Variants in UNC13C observed in about 807,000 individuals in gnomAD.
UNC13C encodes protein unc-13 homolog C.
Under a neutral mutation model 245.4 loss-of-function variants are expected in UNC13C, and 174 were observed. The ratio of observed to expected loss-of-function variants is 0.71; its 90% CI spans 0.63 to 0.80. The LOEUF is 0.80. UNC13C is among the 30% of genes least tolerant of loss of function. UNC13C has a pLI of 0.00. For synonymous variants in UNC13C, 992 were observed against 895.1 expected, an observed-to-expected ratio of 1.11 and a Z score of -1.93; for missense variants, 2,829 against 2,602.9, an observed-to-expected ratio of 1.09 and a Z score of -1.89.
chr15:53,895,329 G>A, the UNC13C span, among the ~76,000 whole-genome samples: 1 of 123,626 alleles, frequency 8.1e-6, no homozygotes, highest in Admixed American at 1.0e-4. Flanking sequence ...CTGGGTGACA[G>A]AGTGAGATTT....
chr15:54,413,473 A>C (rs907677163), intron 18 of UNC13C, among the ~76,000 whole-genome samples: 4 of 152,188 alleles, frequency 2.6e-5, no homozygotes, highest in Non-Finnish European at 5.9e-5. Flanking sequence ...AACCTTTTGA[A>C]ATAAATTGTT....
At chr15:54,081,507 T>C (rs922949844) in intron 2 of UNC13C, among the ~76,000 whole-genome samples, 2 of 152,154 alleles carry the variant, frequency 1.3e-5, no homozygotes. Context: ...AGTTAAATTT[T>C]CTTGTTGAAT....
the UNC13C span, among the ~76,000 whole-genome samples, chr15:53,862,031 C>G: frequency 0.13 from 20,239 of 152,002 alleles, 1,530 homozygotes; most frequent in Admixed American, 0.21. Context: ...GCTGCTATAA[C>G]AAAATACCAT....
intron 10 of UNC13C, among the ~76,000 whole-genome samples, chr15:54,276,697 A>T (rs2036842392): frequency 2.6e-5 from 4 of 152,252 alleles, no homozygotes; most frequent in Non-Finnish European, 5.9e-5. Context: ...TGAGTTCTAT[A>T]TAAAAAGTCA....
chr15:54,559,450 A>G (rs975314978), intron 29 of UNC13C, among the ~76,000 whole-genome samples: 2 of 151,926 alleles, frequency 1.3e-5, no homozygotes, highest in East Asian at 1.9e-4. Flanking sequence ...AAATCCAGCT[A>G]CTCATGAGAA....
chr15:54,428,725 T>C (rs1192313530), intron 19 of UNC13C, among the ~76,000 whole-genome samples: 3 of 151,600 alleles, frequency 2.0e-5, no homozygotes, highest in African/African-American at 7.3e-5. Flanking sequence ...TGGTATGGTC[T>C]CTGTGCTAGA....
At chr15:54,531,619 G>A (rs375371788) in intron 25 of UNC13C, among the ~76,000 whole-genome samples, 2 of 151,626 alleles carry the variant, frequency 1.3e-5, no homozygotes, top group South Asian at 2.1e-4. Flanking sequence ...TGAAGAAGGT[G>A]TATCCAGATG....
intron 8 of UNC13C, among the ~76,000 whole-genome samples, chr15:54,261,997 A>C (rs1007610022): frequency 6.6e-6 from 1 of 152,204 alleles, no homozygotes; most frequent in Admixed American, 6.5e-5. Flanking sequence ...CTATAATAAC[A>C]GCAATAATAC....
At chr15:54,562,746 T>A (rs1027828119) in intron 29 of UNC13C, among the ~76,000 whole-genome samples, 1 of 152,054 alleles carries the variant, frequency 6.6e-6, no homozygotes, top group Admixed American at 6.6e-5. Context: ...CTATATCATC[T>A]GAAGCTGTTT....
intron 20 of UNC13C, among the ~76,000 whole-genome samples, chr15:54,497,272 G>A (rs548417545): frequency 6.6e-6 from 1 of 152,206 alleles, no homozygotes; most frequent in African/African-American, 2.4e-5. Flanking sequence ...ATGCACTAAG[G>A]TGAGTCCTGT....
At chr15:54,088,591 T>G (rs150682348) in intron 2 of UNC13C, among the ~76,000 whole-genome samples, 110 of 152,338 alleles carry the variant, frequency 7.2e-4, no homozygotes, top group African/African-American at 2.5e-3. Flanking sequence ...CAGGTTTATC[T>G]ACTTCTGGAC....
chr15:54,217,440 C>T (rs990264953), intron 4 of UNC13C, among the ~76,000 whole-genome samples: 17 of 151,898 alleles, frequency 1.1e-4, no homozygotes, highest in Admixed American at 7.2e-4. Context: ...AGAACTTTGT[C>T]GACCTGCCCT....
intron 18 of UNC13C, among the ~76,000 whole-genome samples, chr15:54,397,652 A>G (rs2040097548): frequency 6.6e-6 from 1 of 151,430 alleles, no homozygotes; most frequent in African/African-American, 2.4e-5. Flanking sequence ...TTTATAATCC[A>G]TTAACATGGC....
At chr15:54,249,828 G>A (rs1260836826) in intron 7 of UNC13C, among the ~76,000 whole-genome samples, 1 of 152,136 alleles carries the variant, frequency 6.6e-6, no homozygotes, top group Non-Finnish European at 1.5e-5. Flanking sequence ...GCTGAGGAGG[G>A]GTGAAGTGTC....
intron 19 of UNC13C, among the ~76,000 whole-genome samples, chr15:54,472,911 A>G (rs1892535191): frequency 1.3e-5 from 2 of 151,994 alleles, no homozygotes; most frequent in South Asian, 2.1e-4. Context: ...GATTTGTTGC[A>G]TGGGTATATT....
intron 30 of UNC13C, among the ~76,000 whole-genome samples, chr15:54,615,497 T>G (rs932307798): frequency 3.9e-5 from 6 of 152,026 alleles, no homozygotes; most frequent in African/African-American, 1.4e-4. Context: ...CCCTAGTCTC[T>G]TCCTGCTTAT....
chr15:54,159,889 G>A (rs1194459648), intron 4 of UNC13C, among the ~76,000 whole-genome samples: 4 of 152,096 alleles, frequency 2.6e-5, no homozygotes, highest in Non-Finnish European at 5.9e-5. Flanking sequence ...GAGAAGGCAG[G>A]GGAAGAGTAA....
intron 19 of UNC13C, among the ~76,000 whole-genome samples, chr15:54,422,144 A>G (rs910547671): frequency 2.6e-5 from 4 of 151,944 alleles, no homozygotes; most frequent in Non-Finnish European, 4.4e-5. Flanking sequence ...GGATTATCAG[A>G]CATTATCTTT....
chr15:54,493,636 A>G (rs1054037544), intron 19 of UNC13C, among the ~76,000 whole-genome samples: 7 of 152,132 alleles, frequency 4.6e-5, no homozygotes, highest in African/African-American at 1.7e-4. Context: ...TGTTTCTGCT[A>G]TAAATCAAAG....
Sources: gnomAD v4.1 joint callset for allele counts (sites outside exome capture counted in the v4.1 genomes callset) on GRCh38, gnomAD v4.1.1 for gene constraint, MANE v1.5 for transcripts, NCBI Gene and HGNC (gene_info 2026-07-23, HGNC 2026-07-21) for gene names.